Variants in CD1B observed in about 807,000 individuals in gnomAD.
The protein encoded by CD1B is T-cell surface glycoprotein CD1b.
In CD1B, 43 loss-of-function variants were observed where a neutral mutation model predicts 39.8. The observed-to-expected ratio is 1.08, with a 90% confidence interval of 0.85 to 1.39. The LOEUF (loss-of-function observed/expected upper bound fraction) is 1.39, where lower values mean the gene tolerates loss of function less well. CD1B is among the 40% of genes most tolerant of loss of function. The pLI is 0.00. For missense variants in CD1B, 495 were observed against 403.8 expected (o/e 1.23, Z -1.94); for synonymous variants, 192 against 152.5 (o/e 1.26, Z -1.91).
chr1:158,287,539 A>C, the CD1B span, among the ~76,000 whole-genome samples: 1 of 152,112 alleles, frequency 6.6e-6, no homozygotes, highest in African/African-American at 2.4e-5. Flanking sequence ...AGTCCATAAC[A>C]ATGAGAAGGC....
At chr1:158,304,977 A>C in the CD1B span, among the ~76,000 whole-genome samples, 1 of 152,134 alleles carries the variant, frequency 6.6e-6, no homozygotes, top group African/African-American at 2.4e-5. Context: ...TAAAACCACA[A>C]AGATGGGGAA....
chr1:158,314,470 C>T, the CD1B span, among the ~76,000 whole-genome samples: 1 of 152,006 alleles, frequency 6.6e-6, no homozygotes, highest in Non-Finnish European at 1.5e-5. Context: ...TCTGTTTTTA[C>T]ATTTATCGTT....
downstream of CD1B, among the ~76,000 whole-genome samples, chr1:158,325,488 C>T (rs978868242): frequency 6.6e-6 from 1 of 152,216 alleles, no homozygotes; most frequent in South Asian, 2.1e-4. Flanking sequence ...CTTCTCACTA[C>T]ATTTTTGAAA....
Position 158,331,458 on chromosome 1 carries a change from T to G in CD1B, c.-35A>C. ...AGATGCAACTTCTTACTGGCAGAGC[T>G]GGTATTTGATCTCCAATTTCAGCAA... On this transcript the variant is annotated 5_prime_UTR_variant, in exon 1 of 6. Coordinates refer to ENST00000368168, the MANE Select transcript of CD1B (RefSeq NM_001764.3). The G allele has an allele frequency of 6.4e-7, 1 of 1,574,046 alleles. No individual in the cohort carries two copies. Among genetic ancestry groups the G allele is most frequent in the Non-Finnish European group, 8.7e-7 (1 of 1,144,448 alleles).
At chr1:158,305,538 C>G in the CD1B span, among the ~76,000 whole-genome samples, 2 of 152,196 alleles carry the variant, frequency 1.3e-5, no homozygotes, top group Admixed American at 1.3e-4. Context: ...CTTCCCCAAT[C>G]TAGCAAGGCA....
the CD1B span, chr1:158,292,722 A>C: frequency 6.2e-7 from 1 of 1,614,216 alleles, no homozygotes; most frequent in African/African-American, 1.3e-5. Context: ...GAACAGGAGC[A>C]ACTGGGCACT....
the CD1B span, among the ~76,000 whole-genome samples, chr1:158,318,644 G>A: frequency 1.6e-4 from 24 of 152,070 alleles, no homozygotes; most frequent in Non-Finnish European, 1.5e-5. Context: ...CTTCTAATTG[G>A]AGCATTTAGT....
At position 158,331,059 on chromosome 1, in the gene CD1B, A is replaced by T; in HGVS notation, c.65T>A (p.Phe22Tyr). The T allele has an allele frequency of 6.2e-7, 1 of 1,601,858 alleles. No individual in the cohort carries two copies. The highest frequency in any genetic ancestry group is 1.1e-5 in the South Asian group (1 of 88,916). ...AACATGAAAGGAGGTCGGCCCCTGG[A>T]AGGCTGTGAAGAGTGGAAAAGCAAG... ...LFPGGNSEHA[F>Y]QGPTSFHVIQ... Residue 22 changes from phenylalanine (F) to tyrosine (Y), a missense_variant, in exon 2 of 6, where the codon TTC (phenylalanine) becomes TAC (tyrosine). Coordinates refer to ENST00000368168, the MANE Select transcript of CD1B (RefSeq NM_001764.3).
the CD1B span, chr1:158,292,913 G>C: frequency 2.5e-6 from 4 of 1,603,068 alleles, no homozygotes; most frequent in East Asian, 2.2e-5. Flanking sequence ...GGTGGTTCTT[G>C]AGCCTAGAGG....
chr1:158,326,071 G>A (rs1652342114), downstream of CD1B, among the ~76,000 whole-genome samples: 2 of 152,178 alleles, frequency 1.3e-5, no homozygotes. Flanking sequence ...CCGGGTTCAT[G>A]CCATTCTCCT....
At chr1:158,318,607 C>T in the CD1B span, among the ~76,000 whole-genome samples, 1 of 152,178 alleles carries the variant, frequency 6.6e-6, no homozygotes, top group Non-Finnish European at 1.5e-5. Context: ...TGGGTCTTGA[C>T]TCTTTATCCA....
At chr1:158,315,415 G>A in the CD1B span, among the ~76,000 whole-genome samples, 1 of 151,866 alleles carries the variant, frequency 6.6e-6, no homozygotes, top group Non-Finnish European at 1.5e-5. Context: ...CAGTGATGAT[G>A]AGCATTTTTT....
rs1571186521 is a variant in CD1B, at chr1:158,328,909, C to T, written c.980+12G>A. The T allele has an allele frequency of 3.2e-6, 5 of 1,583,236 alleles. No individual in the cohort carries two copies. The highest frequency in any genetic ancestry group is 2.3e-5 in the South Asian group (2 of 85,782). On this transcript the variant is annotated intron_variant, in intron 5 of 5. Transcript: ENST00000368168. ...CATATTAAAAAAAAAAACAACACCA[C>T]CCACAACTCACCGGCGCCTCATATA...
At chr1:158,303,622 T>G in the CD1B span, among the ~76,000 whole-genome samples, 1 of 152,100 alleles carries the variant, frequency 6.6e-6, no homozygotes, top group African/African-American at 2.4e-5. Flanking sequence ...TCTCTATATA[T>G]CAATAAAGTC....
the CD1B span, among the ~76,000 whole-genome samples, chr1:158,296,664 G>A: frequency 2.5e-4 from 38 of 152,262 alleles, 1 homozygote; most frequent in African/African-American, 9.1e-4. Flanking sequence ...TGAGATTCAG[G>A]AGAAAGTTGA....
At chr1:158,300,612 TA>T in the CD1B span, among the ~76,000 whole-genome samples, 2 of 152,166 alleles carry the variant, frequency 1.3e-5, no homozygotes, top group East Asian at 3.9e-4. Flanking sequence ...TGTGTGGGAG[TA>T]TAAGTCTCTT....
chr1:158,285,557 A>G, the CD1B span, among the ~76,000 whole-genome samples: 2 of 152,348 alleles, frequency 1.3e-5, no homozygotes, highest in African/African-American at 4.8e-5. Flanking sequence ...AGAAAAGTTA[A>G]ACATTAAGAC....
At chr1:158,310,647 C>A in the CD1B span, among the ~76,000 whole-genome samples, 1 of 152,052 alleles carries the variant, frequency 6.6e-6, no homozygotes, top group Non-Finnish European at 1.5e-5. Flanking sequence ...AAAAAATAGG[C>A]AAAGAATATC....
chr1:158,326,786 A>AATTATG (rs1553194149), downstream of CD1B, among the ~76,000 whole-genome samples: 2 of 149,542 alleles, frequency 1.3e-5, no homozygotes, highest in Non-Finnish European at 2.9e-5. Context: ...GCACATATAA[A>AATTATG]ATTATTATTA....
Sources: allele counts gnomAD v4.1 joint callset (sites outside exome capture counted in the v4.1 genomes callset), GRCh38; gene constraint gnomAD v4.1.1; transcripts MANE v1.5; gene names NCBI Gene and HGNC (gene_info 2026-07-23, HGNC 2026-07-21).